Variants in DRD3 observed in about 807,000 individuals in gnomAD.
DRD3 encodes dopamine receptor D3, also known as D(3) dopamine receptor.
In DRD3, 19 loss-of-function variants were observed where a neutral mutation model predicts 36.3. That is an observed-to-expected ratio of 0.52 (90% confidence interval 0.36 to 0.77). The LOEUF (loss-of-function observed/expected upper bound fraction) is 0.77. Among genes scored for constraint, DRD3 ranks in the 30% least tolerant of loss-of-function variants. The pLI, the probability that DRD3 is intolerant of heterozygous loss-of-function variation, is 0.00. For synonymous variants in DRD3, 195 were observed against 203.7 expected (o/e 0.96, Z 0.36); for missense variants, 465 against 505.3 (o/e 0.92, Z 0.77).
chr3:114,190,855 T>C (rs1197518969), intron 1 of DRD3, among the ~76,000 whole-genome samples: 2 of 151,964 alleles, frequency 1.3e-5, no homozygotes, highest in African/African-American at 4.8e-5. Context: ...TCCAAATGAA[T>C]CTTTTGAACA....
chr3:114,179,512 T>C (rs2077933691), upstream of DRD3, among the ~76,000 whole-genome samples: 1 of 152,220 alleles, frequency 6.6e-6, no homozygotes. Context: ...TTCTCTGTGA[T>C]ATATACATAG....
intron 4 of DRD3, among the ~76,000 whole-genome samples, chr3:114,141,119 T>C (rs1243217707): frequency 6.6e-6 from 1 of 152,182 alleles, no homozygotes; most frequent in Non-Finnish European, 1.5e-5. Context: ...GCAACCTCCA[T>C]CTCCCAGGTT....
chr3:114,189,990 A>G (rs1161561873), intron 1 of DRD3, among the ~76,000 whole-genome samples: 1 of 152,162 alleles, frequency 6.6e-6, no homozygotes, highest in Non-Finnish European at 1.5e-5. Context: ...GATTGATGGG[A>G]GTGGGCTTGT....
chr3:114,172,970 T>G (rs1277610447), intron 1 of DRD3, among the ~76,000 whole-genome samples: 1 of 152,026 alleles, frequency 6.6e-6, no homozygotes, highest in Non-Finnish European at 1.5e-5. Context: ...GTGGTCTCGG[T>G]GTTTGTGTCT....
chr3:114,164,880 T>C (rs1377394582), intron 2 of DRD3, among the ~76,000 whole-genome samples: 1 of 152,180 alleles, frequency 6.6e-6, no homozygotes. Flanking sequence ...GCCTCCCAAG[T>C]AGCTGGATTA....
intron 3 of DRD3, among the ~76,000 whole-genome samples, chr3:114,155,409 C>T (rs2077656859): frequency 6.6e-6 from 1 of 151,996 alleles, no homozygotes; most frequent in Non-Finnish European, 1.5e-5. Context: ...TGGCTGGTCC[C>T]TTCAGGTAGG....
intron 3 of DRD3, among the ~76,000 whole-genome samples, chr3:114,154,155 T>TC (rs2077643570): frequency 6.6e-6 from 1 of 152,174 alleles, no homozygotes; most frequent in African/African-American, 2.4e-5. Flanking sequence ...CATTTCCACT[T>TC]AAATGAGATA....
chr3:114,147,639 T>G lies in DRD3; in HGVS notation c.384-82A>C, dbSNP rs1221557286. On this transcript the variant is annotated intron_variant, in intron 3 of 6. Coordinates refer to ENST00000383673, the MANE Select transcript of DRD3 (RefSeq NM_000796.6). ...TTTCTGCGTTGTTGTTGTTGTTGTTTTTGGAGACAGGGTCTCACTCTGTCA... is the reference window on the plus strand; with the variant it reads ...TTTCTGCGTTGTTGTTGTTGTTGTTGTTGGAGACAGGGTCTCACTCTGTCA... The G allele has an allele frequency of 3.3e-6, 5 of 1,515,316 alleles. No individual in the cohort carries two copies. The African/African-American group carries it at 5.5e-5, about 17-fold the overall frequency. 93.9% of individuals were successfully genotyped at this position (1,515,316 alleles called of 1,614,324 possible). A position where few individuals can be genotyped will look rare whatever the true frequency, so the allele number is the denominator to read the frequency against.
intron 4 of DRD3, among the ~76,000 whole-genome samples, chr3:114,140,484 A>G (rs574283585): frequency 6.6e-6 from 1 of 152,312 alleles, no homozygotes; most frequent in South Asian, 2.1e-4. Context: ...CCCCATCTTG[A>G]AAAAGAAAAG....
rs768904348 is a variant in DRD3 at position 114,159,791 on chromosome 3, G to T, written c.347C>A (p.Ala116Asp). 3 of 1,613,972 alleles carry T rather than the reference G, an allele frequency of 1.9e-6. No homozygotes were observed. The highest frequency in any genetic ancestry group is 1.1e-5 in the South Asian group (1 of 91,086). ...FVTLDVMMCT[A>D]SILNLCAISI... ...GATGGCACAGAGATTAAGGATGCTG[G>T]CTGTACACATCATGACATCCAGGGT... is the stretch of plus-strand genomic sequence containing the variant. Residue 116 changes from alanine (A) to aspartate (D), a missense_variant, in exon 3 of 7, where the codon GCC (alanine) becomes GAC (aspartate). By Grantham distance (126) the Ala-to-Asp change is moderately radical (BLOSUM62 -2). Transcript: ENST00000383673.
chr3:114,173,061 T>C (rs2107886946), intron 1 of DRD3, among the ~76,000 whole-genome samples: 1 of 152,132 alleles, frequency 6.6e-6, no homozygotes, highest in East Asian at 1.9e-4. Flanking sequence ...GATTAGGTTA[T>C]GAGGACAGAG....
At chr3:114,194,822 A>G (rs1224927820) in intron 1 of DRD3, among the ~76,000 whole-genome samples, 1 of 147,010 alleles carries the variant, frequency 6.8e-6, no homozygotes, top group Non-Finnish European at 1.5e-5. Context: ...GGCATCTTGC[A>G]AAGATTTTTT....
chr3:114,173,748 G>A (rs1577621574), intron 1 of DRD3, among the ~76,000 whole-genome samples: 1 of 152,164 alleles, frequency 6.6e-6, no homozygotes, highest in African/African-American at 2.4e-5. Flanking sequence ...TTGTCAAGGT[G>A]GGAGGATGAA....
At chr3:114,199,202 C>T (rs1384947114) in intron 1 of DRD3, 1 of 152,140 alleles carries the variant, frequency 6.6e-6, no homozygotes, top group Non-Finnish European at 1.5e-5. Context: ...TGTCTTGGTC[C>T]ATTCTGTGCT....
At position 114,139,809 on chromosome 3, in the gene DRD3, G is replaced by A. The variant is rs1024085459; in HGVS notation, c.527-113C>T. On this transcript the variant is annotated intron_variant, in intron 4 of 6. Coordinates refer to ENST00000383673, the MANE Select transcript of DRD3 (RefSeq NM_000796.6). ...TGCCTGCACTTTCTGCTGCACAGGG[G>A]GTGGGAAGGATGCAGTCTCAGATAC... The A allele has an allele frequency of 2.2e-5, 22 of 979,696 alleles. No individual in the cohort carries two copies. The Admixed American group carries it at 5.3e-4, about 24-fold the overall frequency. 60.7% of individuals were successfully genotyped at this position (979,696 alleles called of 1,614,324 possible).
intron 5 of DRD3, among the ~76,000 whole-genome samples, chr3:114,138,501 T>C (rs945782849): frequency 6.6e-6 from 1 of 152,132 alleles, no homozygotes; most frequent in African/African-American, 2.4e-5. Context: ...CTCGTGAGAC[T>C]TATTCACTAT....
At position 114,127,740 on chromosome 3, in the gene DRD3, C is replaced by T. The variant is rs529296156; in HGVS notation, c.*976G>A. On this transcript the variant is annotated 3_prime_UTR_variant, in exon 7 of 7. Transcript: ENST00000383673. ...AGCTATGATGTTGCAACAGCTATGACATCATTAAGTGATAGAAATTCTTCA... is the reference window on the plus strand; with the variant it reads ...AGCTATGATGTTGCAACAGCTATGATATCATTAAGTGATAGAAATTCTTCA... Among the ~76,000 whole-genome samples the T allele has an allele frequency of 6.6e-6, 1 of 152,296 alleles. No homozygotes were observed. The highest frequency in any genetic ancestry group is 2.4e-5 in the African/African-American group (1 of 41,570).
chr3:114,194,810 T>C (rs1039674416), intron 1 of DRD3, among the ~76,000 whole-genome samples: 2 of 151,484 alleles, frequency 1.3e-5, no homozygotes, highest in African/African-American at 4.8e-5. Context: ...GACATGGTCT[T>C]GGGCATCTTG....
At chr3:114,162,518 A>T (rs2077743541) in intron 2 of DRD3, among the ~76,000 whole-genome samples, 2 of 152,222 alleles carry the variant, frequency 1.3e-5, no homozygotes, top group African/African-American at 4.8e-5. Flanking sequence ...CTCTGACATA[A>T]TCTGTCATAA....
Sources: allele counts gnomAD v4.1 joint callset (sites outside exome capture counted in the v4.1 genomes callset), GRCh38; gene constraint gnomAD v4.1.1; transcripts MANE v1.5; gene names NCBI Gene and HGNC (gene_info 2026-07-23, HGNC 2026-07-21).